Variants in CRLF1 observed in about 807,000 individuals in gnomAD.
The protein encoded by CRLF1 is cytokine receptor like factor 1, also known as cytokine receptor-like factor 1.
CRLF1 carries 36 observed loss-of-function variants against 48.9 expected under a neutral mutation model. That is an observed-to-expected ratio of 0.74 (90% CI 0.56 to 0.97). CRLF1 has a LOEUF of 0.97. Ranked by LOEUF, CRLF1 falls within the 50% of genes least tolerant of loss-of-function variation. CRLF1 has a pLI of 0.00. For synonymous variants in CRLF1, 256 were observed against 253.4 expected, an observed-to-expected ratio of 1.01 and a Z score of -0.10; for missense variants, 534 against 575.1, an observed-to-expected ratio of 0.93 and a Z score of 0.73.
At chr19:18,599,904 C>G in intron 1 of CRLF1, 58 bp from the exon 2 acceptor site, 1 of 1,446,998 alleles carries the variant, frequency 6.9e-7, no homozygotes, top group Non-Finnish European at 9.2e-7. Context: ...AGCCCCCAAC[C>G]ATGCCAGGAC....
At position 18,594,449 on chromosome 19, in the gene CRLF1, A is replaced by C; in HGVS notation, c.1025-15T>G. The C allele has an allele frequency of 7.2e-7, 1 of 1,387,728 alleles. No individual in the cohort carries two copies. The highest frequency in any genetic ancestry group is 9.3e-7 in the Non-Finnish European group (1 of 1,072,334). The allele number at this position is 1,387,728 out of a possible 1,614,324, so 86.0% of individuals were successfully genotyped here. ...GCCCGGGCGCTCTGGTGGTGGGCGG[A>C]GCGGCAGTGTCAGAGCGCGCCCGGC... On this transcript the variant is annotated splice_polypyrimidine_tract_variant and intron_variant, in intron 6 of 8. Transcript: ENST00000392386.
At chr19:18,597,171 GC>G in intron 4 of CRLF1, 122 bp from the exon 5 acceptor site, 3 of 1,014,514 alleles carry the variant, frequency 3.0e-6, no homozygotes, top group Middle Eastern at 3.0e-4. Context: ...TCTTCCCTCT[GC>G]CCCCACCCCC....
At chr19:18,594,999 C>G (rs1976112436) in intron 6 of CRLF1, among the ~76,000 whole-genome samples, 1 of 152,114 alleles carries the variant, frequency 6.6e-6, no homozygotes, top group Non-Finnish European at 1.5e-5. Flanking sequence ...AGACCGAGTG[C>G]AAGATGACCC....
chr19:18,601,601 G>T (rs1351520554), intron 1 of CRLF1, among the ~76,000 whole-genome samples: 1 of 151,640 alleles, frequency 6.6e-6, no homozygotes, highest in African/African-American at 2.4e-5. Context: ...TCCAAGAATC[G>T]CCATGTTGGC....
At chr19:18,604,165 G>T (rs959405837) in intron 1 of CRLF1, among the ~76,000 whole-genome samples, 3 of 152,192 alleles carry the variant, frequency 2.0e-5, no homozygotes, top group Admixed American at 6.5e-5. Flanking sequence ...CTCTCTGGGG[G>T]GTCCTGGCTG....
At chr19:18,602,302 A>T (rs1976230978) in intron 1 of CRLF1, among the ~76,000 whole-genome samples, 1 of 152,242 alleles carries the variant, frequency 6.6e-6, no homozygotes, top group African/African-American at 2.4e-5. Flanking sequence ...GAAAGTGGAC[A>T]TCATGGCGTC....
intron 1 of CRLF1, among the ~76,000 whole-genome samples, chr19:18,602,532 C>T (rs970374831): frequency 1.3e-5 from 2 of 151,872 alleles, no homozygotes; most frequent in African/African-American, 4.8e-5. Flanking sequence ...GCAGGAGGAT[C>T]GCTGGAGCCC....
Position 18,593,694 on chromosome 19 carries a change from T to C in CRLF1, c.1256-115A>G. The C allele has an allele frequency of 2.6e-6, 4 of 1,541,408 alleles. No homozygotes were observed. In the South Asian group the frequency reaches 3.6e-5, roughly 14 times the overall value. On this transcript the variant is annotated intron_variant, in intron 8 of 8. Coordinates refer to ENST00000392386, the MANE Select transcript of CRLF1 (RefSeq NM_004750.5). ...TCCCCACCGCTTCTGGCTGTGTGAC[T>C]TTGGGCAGGGTCCTGCCCCTCTCCG...
At position 18,599,137 on chromosome 19, in the gene CRLF1, G is replaced by A. The variant is rs948468875; in HGVS notation, c.398-236C>T. 7.1e-6 allele frequency: 7 copies of A among 983,872 alleles called. No individual in the cohort carries two copies. In the South Asian group the frequency reaches 1.4e-4, roughly 20 times the overall value. The allele number at this position is 983,872 out of a possible 1,614,324, so 60.9% of individuals were successfully genotyped here. A position where few individuals can be genotyped will look rare whatever the true frequency, so the allele number is the denominator to read the frequency against. ...TTTTCTTTTTTCGAGGCAAAGTCTC[G>A]CTCTGTCCCCCAGGCTGGAGTGCAA... On this transcript the variant is annotated intron_variant, in intron 2 of 8. Coordinates refer to ENST00000392386, the MANE Select transcript of CRLF1 (RefSeq NM_004750.5).
chr19:18,599,881 C>T lies in CRLF1; in HGVS notation c.116-35G>A, dbSNP rs984312174. 6.1e-6 allele frequency: 9 copies of T among 1,482,848 alleles called. No homozygotes were observed. In the South Asian group the frequency reaches 7.1e-5, roughly 12 times the overall value. The allele number at this position is 1,482,848 out of a possible 1,614,324, so 91.9% of individuals were successfully genotyped here. On this transcript the variant is annotated intron_variant, in intron 1 of 8. Transcript: ENST00000392386. ...AAGAGGAACACGTGTCAGGCCAGGG[C>T]GGGGACCCTCCAAGCCCCCAACCAT...
In CRLF1 at chr19:18,594,284, C is replaced by T. The variant is rs371082999; in HGVS notation, c.1175G>A (p.Arg392Gln). 1.1e-5 allele frequency: 17 copies of T among 1,612,496 alleles called. No individual in the cohort carries two copies. The highest frequency in any genetic ancestry group is 1.4e-5 in the Non-Finnish European group (16 of 1,179,906). The change falls in exon 7 of 9, where the codon CGA becomes CAA. Residue 392 changes from arginine to glutamine, a missense_variant. By Grantham distance (43) the Arg-to-Gln change is conservative (BLOSUM62 1). Coordinates refer to ENST00000392386, the MANE Select transcript of CRLF1 (RefSeq NM_004750.5). Reference sequence around the variant, plus strand: ...CTTGTGCGACTTCTGCATCCAGGCTCGCCACTGGTCGTAGAGGCGGAAGCT... The same window carrying T: ...CTTGTGCGACTTCTGCATCCAGGCTTGCCACTGGTCGTAGAGGCGGAAGCT... ...NLSFRLYDQW[R>Q]AWMQKSHKTR...
chr19:18,596,713 C>T lies in CRLF1; in HGVS notation c.933G>A (p.Val311=). The T allele has an allele frequency of 6.2e-7, 1 of 1,614,046 alleles. No homozygotes were observed. ...LKPGTVYFVQ[V]RCNPFGIYGS... ...CATAGATGCCAAAGGGGTTGCAGCG[C>T]ACTTGCACGAAGTACACGGTGCCGG... The change falls in exon 6 of 9, where the codon GTG becomes GTA. Residue 311 remains valine, a synonymous_variant. Transcript: ENST00000392386.
At chr19:18,594,033 C>CT in intron 8 of CRLF1, 32 bp downstream of exon 8, 29 of 409,570 alleles carry the variant, frequency 7.1e-5, no homozygotes, top group South Asian at 1.8e-4. Flanking sequence ...TCCCCTTGCT[C>CT]CCTCCCGCCC....
At chr19:18,602,639 T>C (rs1270729705) in intron 1 of CRLF1, among the ~76,000 whole-genome samples, 1 of 151,850 alleles carries the variant, frequency 6.6e-6, no homozygotes, top group Non-Finnish European at 1.5e-5. Flanking sequence ...AAAATTTAGA[T>C]TTAAATTTAT....
chr19:18,597,196 T>A, intron 4 of CRLF1, 147 bp from the exon 5 acceptor site: 1 of 733,788 alleles, frequency 1.4e-6, no homozygotes, highest in Non-Finnish European at 2.1e-6. Flanking sequence ...ACTGGTGGAT[T>A]ACACGATATA....
In CRLF1 at chr19:18,596,808, G is replaced by A. The variant is rs1976140985; in HGVS notation, c.856-18C>T. ...TCCACCACCTGGACAGTGAGGACAA[G>A]GTCAGAGTAGAGGGCGGGGCCTAGC... On this transcript the variant is annotated intron_variant, in intron 5 of 8. Transcript: ENST00000392386. 4 of 1,613,584 alleles carry A rather than the reference G, an allele frequency of 2.5e-6. No homozygotes were observed. The highest frequency in any genetic ancestry group is 2.5e-6 in the Non-Finnish European group (3 of 1,179,786).
intron 1 of CRLF1, among the ~76,000 whole-genome samples, chr19:18,603,085 C>T (rs775396452): frequency 3.3e-5 from 5 of 152,224 alleles, no homozygotes; most frequent in East Asian, 3.9e-4. Context: ...GACTCATCCA[C>T]GCCTTTGTTC....
intron 1 of CRLF1, among the ~76,000 whole-genome samples, chr19:18,605,327 G>A (rs1976276964): frequency 6.6e-6 from 1 of 152,190 alleles, no homozygotes; most frequent in African/African-American, 2.4e-5. Context: ...GCCCCTAGAA[G>A]ATGCCCGGAC....
In CRLF1 at chr19:18,596,738, G is replaced by C; in HGVS notation, c.908C>G (p.Pro303Arg). 6.2e-7 allele frequency: 1 copy of C among 1,614,142 alleles called. No individual in the cohort carries two copies. Among genetic ancestry groups the C allele is most frequent in the Non-Finnish European group, 8.5e-7 (1 of 1,180,032 alleles). The change falls in exon 6 of 9, where the codon CCC becomes CGC. Residue 303 changes from proline (P) to arginine (R), a missense_variant. This residue lies in a region of CRLF1 where 528 missense variants were observed against 555.7 expected (regional missense o/e 0.95). Transcript: ENST00000392386. ...CACTTGCACGAAGTACACGGTGCCG[G>C]GTTTCAGGCCGGCCAGGCGGCAGGA... Reference protein sequence around the residue: ...QTSCRLAGLKPGTVYFVQVRC... With the variant: ...QTSCRLAGLKRGTVYFVQVRC...
Sources: allele counts gnomAD v4.1 joint callset (sites outside exome capture counted in the v4.1 genomes callset), GRCh38; gene constraint gnomAD v4.1.1; regional missense constraint gnomAD v4.1.1; transcripts MANE v1.5; gene names NCBI Gene and HGNC (gene_info 2026-07-23, HGNC 2026-07-21).